Variants in JPH3 observed in about 807,000 individuals in gnomAD.
JPH3 encodes the protein junctophilin 3.
JPH3 carries 11 observed loss-of-function variants against 59.6 expected under a neutral mutation model. The ratio of observed to expected loss-of-function variants is 0.18; its 90% CI spans 0.12 to 0.31. The LOEUF is 0.31. JPH3 is among the 10% of genes least tolerant of loss of function. The pLI, the probability that JPH3 is intolerant of heterozygous loss-of-function variation, is 1.00. For missense variants in JPH3, 1,202 were observed against 1,105.7 expected, an observed-to-expected ratio of 1.09 and a Z score of -1.24; for synonymous variants, 673 against 483.6, an observed-to-expected ratio of 1.39 and a Z score of -5.14.
intron 4 of JPH3, chr16:87,693,761 C>G (rs1216382235): frequency 6.6e-6 from 1 of 152,464 alleles, no homozygotes; most frequent in Non-Finnish European, 1.5e-5. Context: ...GGAGCTGATG[C>G]CCAGCATACA....
intron 1 of JPH3, among the ~76,000 whole-genome samples, chr16:87,603,830 C>A (rs1029421738): frequency 6.6e-6 from 1 of 152,198 alleles, no homozygotes; most frequent in Non-Finnish European, 1.5e-5. Context: ...GCGGGAAGGG[C>A]CAGGCTGGGC....
intron 1 of JPH3, among the ~76,000 whole-genome samples, chr16:87,631,750 GCCTA>G: frequency 6.6e-6 from 1 of 152,024 alleles, no homozygotes; most frequent in East Asian, 1.9e-4. Flanking sequence ...TTACTGTTTT[GCCTA>G]CCTACCTCTT....
chr16:87,644,697 G>A lies in JPH3; in HGVS notation c.822G>A (p.Ala274=), dbSNP rs553005716. The change falls in exon 2 of 5, where the codon GCG becomes GCA. Residue 274 remains alanine, a synonymous_variant. Transcript: ENST00000284262. ...TGGGCGAGGCTGAGGCCGAGCTGGC[G>A]GTCATCGAGGACGACATCGACGCCA... ...ISLGEAEAEL[A]VIEDDIDATT... 35 of 1,612,126 alleles carry A rather than the reference G, an allele frequency of 2.2e-5. No homozygotes were observed. In the South Asian group the frequency reaches 2.4e-4, roughly 11 times the overall value.
intron 2 of JPH3, among the ~76,000 whole-genome samples, chr16:87,650,381 C>G (rs556935856): frequency 3.5e-4 from 53 of 152,320 alleles, no homozygotes; most frequent in African/African-American, 1.2e-3. Context: ...CCATCCCTCT[C>G]TCTCCTCTGG....
chr16:87,647,401 G>A (rs1365051699), intron 2 of JPH3, among the ~76,000 whole-genome samples: 1 of 152,044 alleles, frequency 6.6e-6, no homozygotes, highest in Non-Finnish European at 1.5e-5. Flanking sequence ...ACGGGTGGAG[G>A]GAGTGAGAGG....
rs80235100 is a variant in JPH3, at chr16:87,619,976, C to T, written c.382+16448C>T. Among the ~76,000 whole-genome samples the T allele has an allele frequency of 1.1e-3, 168 of 152,192 alleles. 2 individuals are homozygous for T. In the East Asian group the frequency reaches 0.027, roughly 24 times the overall value. ...CCAGGGACAGAAGGAACAGGGCCAC[C>T]CTGGGACCCAGTGCGCAAGGAGCCC... On this transcript the variant is annotated intron_variant, in intron 1 of 4. Transcript: ENST00000284262.
intron 2 of JPH3, among the ~76,000 whole-genome samples, chr16:87,670,423 G>T (rs1366363881): frequency 6.6e-6 from 1 of 152,194 alleles, no homozygotes; most frequent in East Asian, 1.9e-4. Context: ...GCCTGGACTT[G>T]CCACCGATTA....
At chr16:87,656,818 G>C (rs1466021296) in intron 2 of JPH3, among the ~76,000 whole-genome samples, 1 of 152,176 alleles carries the variant, frequency 6.6e-6, no homozygotes, top group Non-Finnish European at 1.5e-5. Flanking sequence ...TGGCAGAAAT[G>C]CATTTTCTCC....
At chr16:87,602,184 G>C (rs1434463494), upstream of JPH3, 1 of 151,774 alleles carries the variant, frequency 6.6e-6, no homozygotes, top group East Asian at 2.0e-4. Flanking sequence ...AGGGCGCCCT[G>C]AGTGCTGCGC....
At chr16:87,645,785 G>A (rs924029336) in intron 2 of JPH3, among the ~76,000 whole-genome samples, 1 of 152,164 alleles carries the variant, frequency 6.6e-6, no homozygotes, top group Non-Finnish European at 1.5e-5. Flanking sequence ...GAGTGTGTGA[G>A]CCAGGGGCTG....
chr16:87,602,451 C>T (rs1260551361), upstream of JPH3, among the ~76,000 whole-genome samples: 2 of 1,866 alleles, frequency 1.1e-3, no homozygotes, highest in South Asian at 0.042. Flanking sequence ...GGGCGGGGGG[C>T]GGGGGGCGGG....
rs565608415 is a variant in JPH3 at position 87,687,712 on chromosome 16, A to C, written c.1286-1934A>C. ...AGGAACGTTACCTGCTCAGCAGCTCATTCTAGCTGAGGGTGCCCTCCTGCT... is the reference window on the plus strand; with the variant it reads ...AGGAACGTTACCTGCTCAGCAGCTCCTTCTAGCTGAGGGTGCCCTCCTGCT... On this transcript the variant is annotated intron_variant, in intron 3 of 4. Transcript: ENST00000284262. 2.5e-4 allele frequency among the ~76,000 whole-genome samples: 38 copies of C among 152,286 alleles called. No homozygotes were observed. The South Asian group carries it at 3.7e-3, about 15-fold the overall frequency.
intron 4 of JPH3, chr16:87,694,131 C>A (rs3812970): frequency 0.13 from 20,480 of 152,482 alleles, 1,540 homozygotes; most frequent in Middle Eastern, 0.21. Context: ...GAGGTGGGCA[C>A]CCAGGTGTGG....
intron 1 of JPH3, among the ~76,000 whole-genome samples, chr16:87,641,791 G>A (rs961036872): frequency 4.6e-5 from 7 of 152,268 alleles, no homozygotes; most frequent in African/African-American, 1.7e-4. Context: ...CTCTGCCCTG[G>A]CTGGGCCATA....
chr16:87,648,124 G>T (rs148909961), intron 2 of JPH3, among the ~76,000 whole-genome samples: 3 of 152,200 alleles, frequency 2.0e-5, no homozygotes, highest in Non-Finnish European at 4.4e-5. Context: ...TCACTGGTGC[G>T]ACCCTTGGAG....
intron 1 of JPH3, among the ~76,000 whole-genome samples, chr16:87,631,710 C>T (rs746455127): frequency 1.1e-4 from 17 of 152,096 alleles, no homozygotes; most frequent in Admixed American, 4.6e-4. Flanking sequence ...GTTTAGAGTT[C>T]GGGTGTTCTG....
chr16:87,613,220 C>G lies in JPH3; in HGVS notation c.382+9692C>G, dbSNP rs1302821229. 4.0e-5 allele frequency among the ~76,000 whole-genome samples: 6 copies of G among 151,346 alleles called. 1 individual carries two copies. The highest frequency in any genetic ancestry group is 3.9e-4 in the Admixed American group (6 of 15,238). On this transcript the variant is annotated intron_variant, in intron 1 of 4. Coordinates refer to ENST00000284262, the MANE Select transcript of JPH3 (RefSeq NM_020655.4). Reference sequence around the variant, plus strand: ...CACGCCATTCTCCTGCCTCAGCCTCCCGAGTAGCTGGGACTACAGGTACCC... The same window carrying G: ...CACGCCATTCTCCTGCCTCAGCCTCGCGAGTAGCTGGGACTACAGGTACCC...
At chr16:87,604,366 T>C (rs899278490) in intron 1 of JPH3, 2 of 1,443,062 alleles carry the variant, frequency 1.4e-6, no homozygotes, top group Non-Finnish European at 1.8e-6. Context: ...TGGCCGGCTC[T>C]GCAGCTGCCC....
At chr16:87,635,487 G>T (rs150887017) in intron 1 of JPH3, among the ~76,000 whole-genome samples, 1 of 152,302 alleles carries the variant, frequency 6.6e-6, no homozygotes, top group African/African-American at 2.4e-5. Flanking sequence ...CTGGCCCAGG[G>T]CTCTGGCTTT....
Sources: gnomAD v4.1 joint callset for allele counts (sites outside exome capture counted in the v4.1 genomes callset) on GRCh38, gnomAD v4.1.1 for gene constraint, MANE v1.5 for transcripts, NCBI Gene and HGNC (gene_info 2026-07-23, HGNC 2026-07-21) for gene names.